The following MEGF6 variants were observed in gnomAD, a reference collection of about 807,000 sequenced individuals.
The protein encoded by MEGF6 is multiple EGF like domains 6.
In MEGF6, 184 loss-of-function variants were observed where a neutral mutation model predicts 207.1. The observed-to-expected ratio is 0.89, with a 90% confidence interval of 0.79 to 1.00. The LOEUF (loss-of-function observed/expected upper bound fraction) is 1.00. MEGF6 is among the 50% of genes least tolerant of loss of function. The pLI is 0.00. For synonymous variants in MEGF6, 1,038 were observed against 910.0 expected, an observed-to-expected ratio of 1.14 and a Z score of -2.53; for missense variants, 2,282 against 2,202.9, an observed-to-expected ratio of 1.04 and a Z score of -0.72.
intron 3 of MEGF6, among the ~76,000 whole-genome samples, chr1:3,583,885 C>CGCACAGCCACCAGACAAG (rs1553206732): frequency 2.3e-5 from 1 of 43,678 alleles, no homozygotes. Flanking sequence ...CACCAGACAA[C>CGCACAGCCACCAGACAAG]GCGCAGCCAC....
In MEGF6 at chr1:3,511,591, G is replaced by T; in HGVS notation, c.1073C>A (p.Pro358His). 1 of 1,612,142 alleles carries T rather than the reference G, an allele frequency of 6.2e-7. No homozygotes were observed. Residue 358 changes from proline to histidine, a missense_variant, in exon 9 of 37, where the codon CCC (proline) becomes CAC (histidine). Coordinates refer to ENST00000356575, the MANE Select transcript of MEGF6 (RefSeq NM_001409.4). ...ATCTGTGTCCAGCTCGTAGCCGCGG[G>T]GACATGTGCACAGGGGCCCAGCACT... is the stretch of plus-strand genomic sequence containing the variant. ...HTSAGPLCTC[P>H]RGYELDTDQR...
chr1:3,524,173 A>G lies in MEGF6; in HGVS notation c.555T>C (p.Cys185=), dbSNP rs1305577824. The change falls in exon 5 of 37, where the codon TGT becomes TGC. Residue 185 remains cysteine, a synonymous_variant. Transcript: ENST00000356575. ...RCVNTPGSYL[C]ECKPGFRLHT... ...GGAGCCGGAAGCCGGGCTTGCACTC[A>G]CAGAGGTAGGAGCCTGGGGTGTTCA... The G allele has an allele frequency of 1.2e-6, 2 of 1,612,838 alleles. No individual in the cohort carries two copies. Among genetic ancestry groups the G allele is most frequent in the Non-Finnish European group, 1.7e-6 (2 of 1,179,906 alleles).
rs1641473592 is a variant in MEGF6, at chr1:3,514,631, T to C, written c.772A>G (p.Arg258Gly). Reference sequence around the variant, plus strand: ...GCGAGGCCCCGGACCACCTGGCACCTGTGCATGCAGCTGCCGTTCCTGTTG... The same window carrying C: ...GCGAGGCCCCGGACCACCTGGCACCCGTGCATGCAGCTGCCGTTCCTGTTG... ...CANRNGSCMHRCQVVRGLARC... is the reference protein window; with the variant it reads ...CANRNGSCMHGCQVVRGLARC... Residue 258 changes from arginine (R) to glycine (G), a missense_variant, in exon 7 of 37, where the codon AGG (arginine) becomes GGG (glycine). Transcript: ENST00000356575. 3 of 1,581,532 alleles carry C rather than the reference T, an allele frequency of 1.9e-6. No homozygotes were observed. The highest frequency in any genetic ancestry group is 1.7e-6 in the Non-Finnish European group (2 of 1,166,146).
intron 17 of MEGF6, among the ~76,000 whole-genome samples, chr1:3,503,694 CATGT>C (rs904360805): frequency 1.0e-4 from 15 of 143,850 alleles, no homozygotes; most frequent in African/African-American, 2.6e-4. Context: ...GCAGTGTGTG[CATGT>C]ATGTGTGTAT....
chr1:3,514,354 G>C (rs1470165057), intron 7 of MEGF6, among the ~76,000 whole-genome samples, 196 bp downstream of exon 7: 1 of 152,056 alleles, frequency 6.6e-6, no homozygotes, highest in Non-Finnish European at 1.5e-5. Context: ...CAGCTTTTGC[G>C]AGCCTTCCTA....
chr1:3,560,815 G>A lies in MEGF6; in HGVS notation c.481+19010C>T, dbSNP rs765993800. Reference sequence around the variant, plus strand: ...CTCTGGCAGCCACCGGAGCAGCCAGGAACAGCCTCAGGCGTCGGCCGCGAG... The same window carrying A: ...CTCTGGCAGCCACCGGAGCAGCCAGAAACAGCCTCAGGCGTCGGCCGCGAG... On this transcript the variant is annotated intron_variant, in intron 4 of 36. Coordinates refer to ENST00000356575, the MANE Select transcript of MEGF6 (RefSeq NM_001409.4). This position sits in a 1 kb window ranked among gnomAD's most constrained non-coding sequence, Gnocchi z 4.0. 7.5e-5 allele frequency: 35 copies of A among 465,248 alleles called. No individual in the cohort carries two copies. Among genetic ancestry groups the A allele is most frequent in the Non-Finnish European group, 1.2e-4 (27 of 224,734 alleles). 28.8% of individuals were successfully genotyped at this position (465,248 alleles called of 1,614,324 possible). A position where few individuals can be genotyped will look rare whatever the true frequency, so the allele number is the denominator to read the frequency against.
At chr1:3,536,370 C>T (rs147786300) in intron 4 of MEGF6, among the ~76,000 whole-genome samples, 22 of 152,320 alleles carry the variant, frequency 1.4e-4, no homozygotes, top group African/African-American at 4.3e-4. Context: ...CCAACTGAGA[C>T]GTCCGTCCAG....
Position 3,494,716 on chromosome 1 carries a change from C to A in MEGF6, c.3897G>T (p.Val1299=), listed in dbSNP as rs1640527822. The A allele has an allele frequency of 1.3e-6, 2 of 1,588,346 alleles. No homozygotes were observed. Among genetic ancestry groups the A allele is most frequent in the Non-Finnish European group, 1.7e-6 (2 of 1,168,498 alleles). ...TGCAGGAGCAGGTGTGCTCGCAGCC[C>A]ACGCCAAACCGGTTCTGGGGGCAGC... is the stretch of plus-strand genomic sequence containing the variant. ...ERGCPQNRFG[V]GCEHTCSCRN... is the part of the protein sequence containing the mutation. Residue 1299 remains valine, a synonymous_variant, in exon 31 of 37, where the codon GTG becomes GTT. Transcript: ENST00000356575.
At chr1:3,582,158 T>A (rs1346780821) in intron 3 of MEGF6, among the ~76,000 whole-genome samples, 1 of 152,144 alleles carries the variant, frequency 6.6e-6, no homozygotes, top group East Asian at 1.9e-4. Context: ...CTCTTCAGTG[T>A]CCAGGACAGA....
chr1:3,588,909 T>C (rs936600247), intron 3 of MEGF6, among the ~76,000 whole-genome samples: 6 of 152,036 alleles, frequency 3.9e-5, no homozygotes, highest in Non-Finnish European at 8.8e-5. Flanking sequence ...TTGCACAGAC[T>C]CTGCCCCTGC....
At chr1:3,607,328 T>G (rs1644264158) in intron 1 of MEGF6, among the ~76,000 whole-genome samples, 1 of 151,418 alleles carries the variant, frequency 6.6e-6, no homozygotes, top group African/African-American at 2.4e-5. Context: ...CAATAACTCC[T>G]CCCCTTCACG....
the MEGF6 span, chr1:3,623,684 C>T: frequency 6.6e-6 from 1 of 152,330 alleles, no homozygotes; most frequent in East Asian, 1.9e-4. Context: ...TCCTCTCTGA[C>T]TCCAGGGGTA....
At chr1:3,495,864 G>A in intron 30 of MEGF6, 26 bp downstream of exon 30, 1 of 1,595,324 alleles carries the variant, frequency 6.3e-7, no homozygotes. Flanking sequence ...GGGCCTGTGA[G>A]CATGCCCTCT....
chr1:3,495,905 C>A lies in MEGF6; in HGVS notation c.3856G>T (p.Val1286Phe), dbSNP rs199859612. ...TCLCPPGRAG[V>F]RCERGCPQNR... ...GAACACTCACCTCGCTCACAGCGGACGCCGGCTCTCCCCGGGGGGCAGAGG... is the reference window on the plus strand; with the variant it reads ...GAACACTCACCTCGCTCACAGCGGAAGCCGGCTCTCCCCGGGGGGCAGAGG... Residue 1286 changes from valine to phenylalanine, a missense_variant, in exon 30 of 37, where the codon GTC becomes TTC. Coordinates refer to ENST00000356575, the MANE Select transcript of MEGF6 (RefSeq NM_001409.4). 1.3e-6 allele frequency: 2 copies of A among 1,598,148 alleles called. No individual in the cohort carries two copies. Among genetic ancestry groups the A allele is most frequent in the African/African-American group, 1.3e-5 (1 of 75,008 alleles).
intron 4 of MEGF6, among the ~76,000 whole-genome samples, chr1:3,538,958 G>A (rs868348673): frequency 2.0e-5 from 3 of 152,178 alleles, no homozygotes; most frequent in South Asian, 2.1e-4. Context: ...GATGCCCCAG[G>A]TCTCACACTG....
In MEGF6 at chr1:3,499,802, C is replaced by T. The variant is rs757684229; in HGVS notation, c.2830G>A (p.Glu944Lys). 50 of 1,558,546 alleles carry T rather than the reference C, an allele frequency of 3.2e-5. No homozygotes were observed. The highest frequency in any genetic ancestry group is 4.0e-5 in the Non-Finnish European group (46 of 1,152,012). ...CGCCTGTGCCGTAGCTCACCATGCT[C>T]GCAGAAGGTGCCCCTCCAGCCGGCC... is the stretch of plus-strand genomic sequence containing the variant. ...CPAGWRGTFC[E>K]HACPAGFFGL... The change falls in exon 22 of 37, where the codon GAG (glutamate) becomes AAG (lysine). Residue 944 changes from glutamate (E) to lysine (K), a missense_variant. Physicochemically the swap from Glu to Lys is moderately conservative, Grantham distance 56 (BLOSUM62 1). Coordinates refer to ENST00000356575, the MANE Select transcript of MEGF6 (RefSeq NM_001409.4).
Position 3,602,411 on chromosome 1 carries a change from G to A in MEGF6, c.266+55C>T. On this transcript the variant is annotated intron_variant, in intron 2 of 36. Transcript: ENST00000356575. ...CAGCTGCCCAGCTCCCGGGTGGTCA[G>A]TGCCGCCCTTTGTGTGAATGGAGCC... 5 of 1,611,024 alleles carry A rather than the reference G, an allele frequency of 3.1e-6. No homozygotes were observed. In the South Asian group the frequency reaches 4.4e-5, roughly 14 times the overall value.
At chr1:3,558,525 C>A (rs552745185) in intron 4 of MEGF6, among the ~76,000 whole-genome samples, 1 of 152,144 alleles carries the variant, frequency 6.6e-6, no homozygotes, top group Non-Finnish European at 1.5e-5. Flanking sequence ...CTTCCTGCCC[C>A]GACTTCCCTT....
chr1:3,544,840 G>GAAA (rs1323772055), intron 4 of MEGF6, among the ~76,000 whole-genome samples: 1 of 152,174 alleles, frequency 6.6e-6, no homozygotes, highest in Non-Finnish European at 1.5e-5. Context: ...GGGAACAGCG[G>GAAA]GGCAGAGGAG....
Sources: gnomAD v4.1 joint callset for allele counts (sites outside exome capture counted in the v4.1 genomes callset) on GRCh38, gnomAD v4.1.1 for gene constraint, Gnocchi (gnomAD v3.1) non-coding constraint, MANE v1.5 for transcripts, NCBI Gene and HGNC (gene_info 2026-07-23, HGNC 2026-07-21) for gene names.